The following TOP1MT variants were observed in gnomAD, a reference collection of about 807,000 sequenced individuals.
TOP1MT encodes DNA topoisomerase I mitochondrial.
TOP1MT carries 80 observed loss-of-function variants against 73.9 expected under a neutral mutation model. That is an observed-to-expected ratio of 1.08 (90% CI 0.90 to 1.30). The LOEUF is 1.30. Ranked by LOEUF, TOP1MT falls within the 50% of genes most tolerant of loss-of-function variation. The pLI, the probability that TOP1MT is intolerant of heterozygous loss-of-function variation, is 0.00. For synonymous variants in TOP1MT, 338 were observed against 326.4 expected, an observed-to-expected ratio of 1.04 and a Z score of -0.38; for missense variants, 815 against 808.0, an observed-to-expected ratio of 1.01 and a Z score of -0.10.
upstream of TOP1MT, among the ~76,000 whole-genome samples, chr8:143,358,264 T>A (rs917711381): frequency 2.6e-5 from 4 of 152,218 alleles, no homozygotes; most frequent in East Asian, 5.8e-4. Context: ...ATCAAAGAAA[T>A]ACGCTCCTGT....
In TOP1MT at chr8:143,331,215, C is replaced by A; in HGVS notation, c.238+9G>T. The A allele has an allele frequency of 6.3e-7, 1 of 1,592,518 alleles. No homozygotes were observed. ...CAGGCTGGGGAGGAGCCGCTCCCTG[C>A]ATCCTTACCTTCATAGAAGAAACGC... On this transcript the variant is annotated intron_variant, in intron 2 of 13. Coordinates refer to ENST00000329245, the MANE Select transcript of TOP1MT (RefSeq NM_052963.3).
intron 3 of TOP1MT, among the ~76,000 whole-genome samples, chr8:143,326,685 G>T (rs1428204747): frequency 6.6e-6 from 1 of 152,194 alleles, no homozygotes; most frequent in Non-Finnish European, 1.5e-5. Flanking sequence ...AAACTCTCCA[G>T]TATGAAAACC....
intron 2 of TOP1MT, among the ~76,000 whole-genome samples, chr8:143,342,776 CTAT>C (rs748359888): frequency 2.3e-4 from 18 of 78,738 alleles, no homozygotes; most frequent in South Asian, 1.1e-3. Context: ...GAGTCTTGCT[CTAT>C]TATTATTATT....
At chr8:143,325,245 T>A (rs961137421) in intron 5 of TOP1MT, 101 bp downstream of exon 5, 12 of 1,087,936 alleles carry the variant, frequency 1.1e-5, no homozygotes, top group Admixed American at 2.7e-5. Context: ...ACCAACCACA[T>A]GTTTCTCGGT....
At chr8:143,323,040 C>G (rs1816556859) in intron 7 of TOP1MT, among the ~76,000 whole-genome samples, 1 of 77,174 alleles carries the variant, frequency 1.3e-5, no homozygotes. Flanking sequence ...ACATGCACGC[C>G]ACACAGGCAC....
At chr8:143,324,739 T>C (rs571498889) in intron 5 of TOP1MT, 110 bp from the exon 6 acceptor site, 49 of 1,387,842 alleles carry the variant, frequency 3.5e-5, no homozygotes, top group Non-Finnish European at 4.4e-5. Flanking sequence ...GGTGGTGGCA[T>C]GGCTCCTGAC....
chr8:143,341,674 A>G lies in TOP1MT; in HGVS notation c.29+1546T>C, dbSNP rs1316453058. On this transcript the variant is annotated intron_variant, in intron 2 of 5. Coordinates refer to the TOP1MT transcript ENST00000518007. The surrounding 1 kb of genome is among the most constrained non-coding windows in gnomAD (Gnocchi z 4.1). Reference sequence around the variant, plus strand: ...GCAATGAACAAAGGAGCCAGGGGTCAGCTTGGGGCTGCTCCCAACTCCGGA... The same window carrying G: ...GCAATGAACAAAGGAGCCAGGGGTCGGCTTGGGGCTGCTCCCAACTCCGGA... 2.0e-5 allele frequency among the ~76,000 whole-genome samples: 3 copies of G among 152,228 alleles called. No homozygotes were observed. The highest frequency in any genetic ancestry group is 4.4e-5 in the Non-Finnish European group (3 of 68,028).
chr8:143,309,384 C>T lies in TOP1MT; in HGVS notation c.*57G>A. 6.4e-7 allele frequency: 1 copy of T among 1,570,706 alleles called. No homozygotes were observed. Among genetic ancestry groups the T allele is most frequent in the Non-Finnish European group, 8.7e-7 (1 of 1,148,436 alleles). On this transcript the variant is annotated 3_prime_UTR_variant, in exon 14 of 14. Coordinates refer to ENST00000329245, the MANE Select transcript of TOP1MT (RefSeq NM_052963.3). ...TATTGTACAAAATTCCCCAGTACTGCTTTAATAGTGAAAAAAACACACACA... is the reference window on the plus strand; with the variant it reads ...TATTGTACAAAATTCCCCAGTACTGTTTTAATAGTGAAAAAAACACACACA...
intron 5 of TOP1MT, 122 bp from the exon 6 acceptor site, chr8:143,324,751 G>A (rs1162120292): frequency 1.5e-5 from 19 of 1,279,646 alleles, no homozygotes; most frequent in Non-Finnish European, 1.8e-5. Flanking sequence ...GCTCCTGACC[G>A]AGTCTGGCAT....
Position 143,315,424 on chromosome 8 carries a change from G to A in TOP1MT, c.1553+303C>T, listed in dbSNP as rs1230933135. Among the ~76,000 whole-genome samples the A allele has an allele frequency of 5.3e-5, 8 of 152,244 alleles. No individual in the cohort carries two copies. In the South Asian group the frequency reaches 6.2e-4, roughly 12 times the overall value. Reference sequence around the variant, plus strand: ...CGTGTCCAGTGGACATGTGACCCACGTGATCTCACCTATCACTGGAGATGA... The same window carrying A: ...CGTGTCCAGTGGACATGTGACCCACATGATCTCACCTATCACTGGAGATGA... On this transcript the variant is annotated intron_variant, in intron 12 of 13. Coordinates refer to ENST00000329245, the MANE Select transcript of TOP1MT (RefSeq NM_052963.3).
chr8:143,311,821 A>G (rs943212227), intron 12 of TOP1MT, among the ~76,000 whole-genome samples: 6 of 152,294 alleles, frequency 3.9e-5, no homozygotes, highest in African/African-American at 1.4e-4. Flanking sequence ...TAAAGAAATA[A>G]AAAAGATAAT....
intron 8 of TOP1MT, among the ~76,000 whole-genome samples, chr8:143,320,973 A>C (rs1187661538): frequency 2.0e-5 from 3 of 152,186 alleles, no homozygotes; most frequent in Non-Finnish European, 4.4e-5. Context: ...GGCGTGACAC[A>C]CGTGCCCTTT....
Position 143,315,742 on chromosome 8 carries a change from T to C in TOP1MT, c.1538A>G (p.Asp513Gly). 1 of 1,614,032 alleles carries C rather than the reference T, an allele frequency of 6.2e-7. No homozygotes were observed. The highest frequency in any genetic ancestry group is 1.1e-5 in the South Asian group (1 of 91,084). Residue 513 changes from aspartate (D) to glycine (G), a missense_variant, in exon 12 of 14, where the codon GAT (aspartate) becomes GGT (glycine). Around this residue, in one of 3 missense-constraint regions of TOP1MT, gnomAD observed 751 missense variants for 725.4 expected, o/e 1.04. Transcript: ENST00000329245. ...RARAEHKAQG[D>G]GKSRSVLEKK... ...GGGTACTCACCTCCTGGACTTGCCATCCCCTTGGGCTTTGTGCTCAGCCCT... is the reference window on the plus strand; with the variant it reads ...GGGTACTCACCTCCTGGACTTGCCACCCCCTTGGGCTTTGTGCTCAGCCCT...
intron 4 of TOP1MT, 109 bp downstream of exon 4, chr8:143,326,113 G>GT: frequency 7.8e-7 from 1 of 1,288,034 alleles, no homozygotes; most frequent in Non-Finnish European, 1.1e-6. Context: ...GAGCAGCTTT[G>GT]TGAGAAGGGG....
At chr8:143,358,574 T>C (rs1360359856), upstream of TOP1MT, 1 of 152,268 alleles carries the variant, frequency 6.6e-6, no homozygotes, top group Non-Finnish European at 1.5e-5. Flanking sequence ...AAGTATTTGC[T>C]ACCTCTTGAG....
At chr8:143,355,755 A>G (rs369749470) in intron 1 of TOP1MT, among the ~76,000 whole-genome samples, 2 of 151,998 alleles carry the variant, frequency 1.3e-5, no homozygotes, top group East Asian at 1.9e-4. Flanking sequence ...GGCTCGCATT[A>G]CGAACCTGCT....
intron 1 of TOP1MT, among the ~76,000 whole-genome samples, chr8:143,354,568 C>T (rs1817375749): frequency 6.6e-6 from 1 of 152,040 alleles, no homozygotes; most frequent in Admixed American, 6.6e-5. Flanking sequence ...CAAAATTAGC[C>T]AGGCGTGGTG....
intron 6 of TOP1MT, 72 bp from the exon 7 acceptor site, chr8:143,324,214 C>T (rs1434878835): frequency 6.3e-7 from 1 of 1,581,204 alleles, no homozygotes; most frequent in South Asian, 1.1e-5. Context: ...TGTCAACTCT[C>T]CCTCCCCCAA....
intron 2 of TOP1MT, among the ~76,000 whole-genome samples, chr8:143,329,710 C>T (rs980130280): frequency 6.6e-6 from 1 of 152,126 alleles, no homozygotes; most frequent in South Asian, 2.1e-4. Context: ...AGATTTCAGG[C>T]GCTACTGCTT....
Sources: gnomAD v4.1 joint callset for allele counts (sites outside exome capture counted in the v4.1 genomes callset) on GRCh38, gnomAD v4.1.1 for gene constraint, gnomAD v4.1.1 regional missense constraint, Gnocchi (gnomAD v3.1) non-coding constraint, MANE v1.5 for transcripts, NCBI Gene and HGNC (gene_info 2026-07-23, HGNC 2026-07-21) for gene names.